The following RBFOX1 variants were observed in gnomAD, a reference collection of about 807,000 sequenced individuals.
RBFOX1 encodes the protein RNA binding fox-1 homolog 1.
Under a neutral mutation model 57.7 loss-of-function variants are expected in RBFOX1, and 8 were observed. The ratio of observed to expected loss-of-function variants is 0.14; its 90% confidence interval spans 0.08 to 0.25. The LOEUF is 0.25. Ranked by LOEUF, RBFOX1 falls within the 10% of genes least tolerant of loss-of-function variation. The pLI is 1.00. For missense variants in RBFOX1, 611 were observed against 548.5 expected (o/e 1.11, Z -1.14); for synonymous variants, 326 against 222.4 (o/e 1.47, Z -4.15).
chr16:5,489,407 C>T (rs963908909), intron 2 of RBFOX1, among the ~76,000 whole-genome samples: 3 of 152,226 alleles, frequency 2.0e-5, no homozygotes, highest in Non-Finnish European at 4.4e-5. Flanking sequence ...GGTTTAAGTT[C>T]TGATCAGCCA....
chr16:6,035,243 A>G (rs1053783941), intron 1 of RBFOX1, among the ~76,000 whole-genome samples: 1 of 152,176 alleles, frequency 6.6e-6, no homozygotes, highest in Non-Finnish European at 1.5e-5. Flanking sequence ...GTAGCATAAC[A>G]CCAGAGACAT....
intron 4 of RBFOX1, among the ~76,000 whole-genome samples, chr16:5,915,790 C>T (rs1163615527): frequency 3.9e-5 from 6 of 152,034 alleles, no homozygotes; most frequent in Non-Finnish European, 7.4e-5. Context: ...CAAGATCATG[C>T]CACGGCACTC....
intron 5 of RBFOX1, among the ~76,000 whole-genome samples, chr16:7,552,926 G>A (rs2087032305): frequency 1.3e-5 from 2 of 151,854 alleles, no homozygotes; most frequent in African/African-American, 4.8e-5. Context: ...CAGGTGATCT[G>A]CCCGCCTCGG....
chr16:6,655,685 C>T (rs572240195), intron 3 of RBFOX1, among the ~76,000 whole-genome samples: 3 of 152,136 alleles, frequency 2.0e-5, no homozygotes, highest in Admixed American at 6.5e-5. Flanking sequence ...CCTGTGTATG[C>T]CTTGGATCCA....
chr16:6,880,990 G>A (rs2062820106), intron 3 of RBFOX1, among the ~76,000 whole-genome samples: 1 of 152,168 alleles, frequency 6.6e-6, no homozygotes, highest in African/African-American at 2.4e-5. Context: ...CACAGTGAGA[G>A]CCTAGGCAGG....
chr16:6,208,976 C>G (rs571338467), intron 1 of RBFOX1, among the ~76,000 whole-genome samples: 22 of 152,156 alleles, frequency 1.4e-4, no homozygotes, highest in Middle Eastern at 3.4e-3. Flanking sequence ...TGTGACCCAA[C>G]TGGGTCTTTG....
At chr16:5,567,551 C>T (rs1280140918) in intron 2 of RBFOX1, among the ~76,000 whole-genome samples, 6 of 134,994 alleles carry the variant, frequency 4.4e-5, no homozygotes, top group Non-Finnish European at 3.1e-5. Flanking sequence ...CTAGGCTTTA[C>T]ATTAGAAACA....
At position 6,164,437 on chromosome 16, in the gene RBFOX1, TC is replaced by T. The variant is rs1330779554; in HGVS notation, c.-127+144447del. Among the ~76,000 whole-genome samples, 3 of 151,898 alleles carry T rather than the reference TC, an allele frequency of 2.0e-5. No individual in the cohort carries two copies. In the East Asian group the frequency reaches 5.8e-4, roughly 29 times the overall value. ...TATATATTAGTTAGAAGTGATGTTT[TC>T]CACAGAGTTCTTTTTTGCATTGTTA... On this transcript the variant is annotated intron_variant, in intron 1 of 15. Coordinates refer to ENST00000550418, the MANE Select transcript of RBFOX1 (RefSeq NM_018723.4).
Position 6,019,047 on chromosome 16 carries a change from G to A in RBFOX1, c.-1072G>A. 1 of 963,704 alleles carries A rather than the reference G, an allele frequency of 1.0e-6. No individual in the cohort carries two copies. The highest frequency in any genetic ancestry group is 1.2e-6 in the Non-Finnish European group (1 of 810,834). 59.7% of individuals were successfully genotyped at this position (963,704 alleles called of 1,614,324 possible). On this transcript the variant is annotated 5_prime_UTR_variant, in exon 1 of 16. Transcript: ENST00000550418. This position sits in a 1 kb window ranked among gnomAD's most constrained non-coding sequence, Gnocchi z 4.2. ...CCAGATTATTTTTGGCTCCGCAGCC[G>A]GGGCTGCTCGCTGCTTGTCGCGCGC... is the stretch of plus-strand genomic sequence containing the variant.
intron 2 of RBFOX1, among the ~76,000 whole-genome samples, chr16:6,641,103 A>C (rs1028298564): frequency 6.6e-6 from 1 of 152,198 alleles, no homozygotes; most frequent in African/African-American, 2.4e-5. Flanking sequence ...CTAAACCTCA[A>C]TTTGATAATT....
chr16:7,351,904 T>TCCAACC (rs1319077026), intron 4 of RBFOX1, among the ~76,000 whole-genome samples: 1 of 152,110 alleles, frequency 6.6e-6, no homozygotes, highest in Admixed American at 6.6e-5. Context: ...CCAAGGAGTT[T>TCCAACC]CCAACCCCAA....
chr16:6,131,864 C>T (rs1232895802), intron 1 of RBFOX1, among the ~76,000 whole-genome samples: 1 of 152,196 alleles, frequency 6.6e-6, no homozygotes, highest in Non-Finnish European at 1.5e-5. Context: ...TCTCTGTAGG[C>T]GGCTGTTTGA....
At chr16:6,148,126 C>T (rs985378177) in intron 1 of RBFOX1, among the ~76,000 whole-genome samples, 4 of 152,118 alleles carry the variant, frequency 2.6e-5, no homozygotes, top group South Asian at 4.1e-4. Flanking sequence ...GTCAGGAGTT[C>T]GACACCAGCC....
At chr16:6,780,624 T>A (rs2080854093) in intron 3 of RBFOX1, among the ~76,000 whole-genome samples, 1 of 145,374 alleles carries the variant, frequency 6.9e-6, no homozygotes, top group South Asian at 2.1e-4. Context: ...TTTTTAGTTG[T>A]TGGTTTCTTT....
At chr16:6,148,311 A>T (rs2096773765) in intron 1 of RBFOX1, among the ~76,000 whole-genome samples, 1 of 152,246 alleles carries the variant, frequency 6.6e-6, no homozygotes, top group African/African-American at 2.4e-5. Flanking sequence ...TGGGCGACGG[A>T]GTGAGACTCC....
At chr16:5,376,177 A>G (rs1596730618) in intron 1 of RBFOX1, among the ~76,000 whole-genome samples, 1 of 151,990 alleles carries the variant, frequency 6.6e-6, no homozygotes, top group African/African-American at 2.4e-5. Context: ...CAAAAGAAAA[A>G]AAAAAAAAAA....
intron 3 of RBFOX1, among the ~76,000 whole-genome samples, chr16:7,002,116 G>C (rs893811583): frequency 1.3e-5 from 2 of 151,958 alleles, no homozygotes; most frequent in African/African-American, 4.8e-5. Flanking sequence ...TTTTCTCATG[G>C]GGTTGTTGAT....
chr16:5,638,433 T>C (rs781257034), intron 3 of RBFOX1, among the ~76,000 whole-genome samples: 8 of 152,088 alleles, frequency 5.3e-5, no homozygotes, highest in East Asian at 1.9e-4. Flanking sequence ...ACCATGATGA[T>C]TGAATAAGCT....
intron 4 of RBFOX1, among the ~76,000 whole-genome samples, chr16:5,886,999 G>A (rs1317201449): frequency 1.3e-5 from 2 of 152,124 alleles, no homozygotes; most frequent in Non-Finnish European, 2.9e-5. Flanking sequence ...CAATTGTTGT[G>A]GGGAGCTGTC....
Sources: gnomAD v4.1 joint callset for allele counts (sites outside exome capture counted in the v4.1 genomes callset) on GRCh38, gnomAD v4.1.1 for gene constraint, Gnocchi (gnomAD v3.1) non-coding constraint, MANE v1.5 for transcripts, NCBI Gene and HGNC (gene_info 2026-07-23, HGNC 2026-07-21) for gene names.